Variants in PXDNL observed in about 807,000 individuals in gnomAD.
PXDNL encodes probable oxidoreductase PXDNL.
A neutral mutation model predicts 150.8 loss-of-function variants in PXDNL; 145 were observed. The ratio of observed to expected loss-of-function variants is 0.96; its 90% CI spans 0.84 to 1.10. The LOEUF is 1.10. Ranked by LOEUF, PXDNL falls within the 50% of genes least tolerant of loss-of-function variation. PXDNL has a pLI of 0.00. For missense variants in PXDNL, 2,087 were observed against 1,873.9 expected (o/e 1.11, Z -2.10); for synonymous variants, 757 against 725.7 (o/e 1.04, Z -0.69).
intron 12 of PXDNL, chr8:51,436,096 C>T: frequency 3.9e-6 from 2 of 513,136 alleles, no homozygotes; most frequent in South Asian, 2.9e-5. Context: ...AGGTTCTTGC[C>T]CCTTTTGTCT....
At chr8:51,329,951 G>T (rs1185490604) in intron 21 of PXDNL, among the ~76,000 whole-genome samples, 2 of 152,212 alleles carry the variant, frequency 1.3e-5, no homozygotes, top group African/African-American at 4.8e-5. Flanking sequence ...AGAGCCAGAG[G>T]ACAAATGGTA....
rs191366729 is a variant in PXDNL at position 51,394,273 on chromosome 8, C to T, written c.3557+13794G>A. On this transcript the variant is annotated intron_variant, in intron 17 of 22. Coordinates refer to ENST00000356297, the MANE Select transcript of PXDNL (RefSeq NM_144651.5). Reference sequence around the variant, plus strand: ...AAAACACTCCTTTTTGTGCAACAAACGCCAGCCAAATATGAAGGAAATATT... The same window carrying T: ...AAAACACTCCTTTTTGTGCAACAAATGCCAGCCAAATATGAAGGAAATATT... Among the ~76,000 whole-genome samples the T allele has an allele frequency of 3.0e-4, 45 of 152,244 alleles. 1 individual carries two copies. In the East Asian group the frequency reaches 6.8e-3, roughly 23 times the overall value.
In PXDNL at chr8:51,549,110, T is replaced by C. The variant is rs143886884; in HGVS notation, c.380+7730A>G. On this transcript the variant is annotated intron_variant, in intron 4 of 22. Coordinates refer to ENST00000356297, the MANE Select transcript of PXDNL (RefSeq NM_144651.5). ...AGACATTATATAATGCTAAAAGGAT[T>C]AGCCCAATAGAAAAATATCACAATT... 1.2e-4 allele frequency among the ~76,000 whole-genome samples: 18 copies of C among 152,284 alleles called. No individual in the cohort carries two copies. The East Asian group carries it at 3.5e-3, about 29-fold the overall frequency.
intron 14 of PXDNL, among the ~76,000 whole-genome samples, chr8:51,421,574 C>T (rs1222796677): frequency 6.6e-6 from 1 of 152,114 alleles, no homozygotes; most frequent in Non-Finnish European, 1.5e-5. Context: ...TGATAGGCAC[C>T]TGTAACCCCA....
At chr8:51,794,452 C>T (rs2037541699) in intron 1 of PXDNL, among the ~76,000 whole-genome samples, 2 of 152,316 alleles carry the variant, frequency 1.3e-5, no homozygotes, top group Admixed American at 1.3e-4. Flanking sequence ...GCCCATCAAA[C>T]TAACTGCAGA....
intron 9 of PXDNL, among the ~76,000 whole-genome samples, chr8:51,455,546 G>T (rs1432922894): frequency 6.6e-6 from 1 of 152,114 alleles, no homozygotes; most frequent in Non-Finnish European, 1.5e-5. Context: ...AGGGCACGGG[G>T]GACTAGAGAA....
At chr8:51,379,637 A>G (rs6984116) in intron 17 of PXDNL, among the ~76,000 whole-genome samples, 5,686 of 152,032 alleles carry the variant, frequency 0.037, 355 homozygotes, top group African/African-American at 0.13. Flanking sequence ...ATTATGTTAG[A>G]TTCTGATGAA....
At chr8:51,367,131 T>G (rs13439771) in intron 19 of PXDNL, among the ~76,000 whole-genome samples, 1,300 of 119,606 alleles carry the variant, frequency 0.011, 27 homozygotes, top group African/African-American at 0.04. Context: ...AAAAAAAAAT[T>G]CATATAAAAG....
intron 5 of PXDNL, among the ~76,000 whole-genome samples, chr8:51,491,822 A>C (rs1045686053): frequency 1.3e-5 from 2 of 152,268 alleles, no homozygotes; most frequent in African/African-American, 4.8e-5. Flanking sequence ...TTAAAGTTGG[A>C]GTCCCATGTC....
intron 12 of PXDNL, among the ~76,000 whole-genome samples, chr8:51,445,281 C>A (rs1300923058): frequency 6.6e-6 from 1 of 152,162 alleles, no homozygotes; most frequent in African/African-American, 2.4e-5. Flanking sequence ...GTTCTATAGT[C>A]TGAAGTCTAG....
intron 21 of PXDNL, among the ~76,000 whole-genome samples, chr8:51,323,358 T>C (rs1805385022): frequency 6.6e-6 from 1 of 152,174 alleles, no homozygotes; most frequent in African/African-American, 2.4e-5. Context: ...TGGCTCACTG[T>C]ATCCTCAACC....
chr8:51,732,368 C>T (rs1816950919), intron 1 of PXDNL, among the ~76,000 whole-genome samples: 1 of 152,202 alleles, frequency 6.6e-6, no homozygotes, highest in Non-Finnish European at 1.5e-5. Context: ...CCATCTGAGA[C>T]CACATCAGCC....
chr8:51,737,173 C>T (rs749195853), intron 1 of PXDNL, among the ~76,000 whole-genome samples: 14 of 152,146 alleles, frequency 9.2e-5, no homozygotes, highest in Non-Finnish European at 1.9e-4. Context: ...TATCTCCTTA[C>T]CACATTTCTC....
intron 17 of PXDNL, among the ~76,000 whole-genome samples, chr8:51,378,070 T>C (rs1257473535): frequency 2.6e-5 from 4 of 151,300 alleles, no homozygotes; most frequent in African/African-American, 9.8e-5. Flanking sequence ...AGCTCAAGGT[T>C]TGTAAATGCA....
chr8:51,457,166 G>A lies in PXDNL; in HGVS notation c.982+332C>T, dbSNP rs541951649. ...AATATGTGTTGGATTAATTCATGAT[G>A]AATGAATGATTGAATGAATTTTTGA... On this transcript the variant is annotated intron_variant, in intron 9 of 22. Coordinates refer to ENST00000356297, the MANE Select transcript of PXDNL (RefSeq NM_144651.5). 1.3e-3 allele frequency among the ~76,000 whole-genome samples: 205 copies of A among 152,310 alleles called. 4 individuals carry two copies. The highest frequency in any genetic ancestry group is 4.7e-3 in the African/African-American group (196 of 41,560).
At chr8:51,343,015 C>G (rs6986409) in intron 20 of PXDNL, among the ~76,000 whole-genome samples, 4,515 of 151,636 alleles carry the variant, frequency 0.03, 217 homozygotes, top group African/African-American at 0.1. Context: ...AGAGAGGCAA[C>G]GAGCCCAGGT....
chr8:51,411,278 C>A lies in PXDNL; in HGVS notation c.2034G>T (p.Gln678His). The A allele has an allele frequency of 6.6e-7, 1 of 1,522,330 alleles. No individual in the cohort carries two copies. The highest frequency in any genetic ancestry group is 8.8e-7 in the Non-Finnish European group (1 of 1,138,148). 94.3% of individuals were successfully genotyped at this position (1,522,330 alleles called of 1,614,324 possible). ...TGCCTTCCAAGTCCACAGTGAGCCC[C>A]TGCTTCACACGTTCCCGTATCAGCT... ...TLQLIRERVK[Q>H]GLTVDLEGKE... Residue 678 changes from glutamine (Q) to histidine (H), a missense_variant, in exon 16 of 23, where the codon CAG becomes CAT. Physicochemically the swap from Gln to His is conservative, Grantham distance 24. Transcript: ENST00000356297.
At chr8:51,757,571 A>G (rs2037115960) in intron 1 of PXDNL, among the ~76,000 whole-genome samples, 1 of 152,222 alleles carries the variant, frequency 6.6e-6, no homozygotes, top group African/African-American at 2.4e-5. Context: ...AGACCTGATT[A>G]CCTGGGATAT....
chr8:51,446,008 T>C (rs1436514320), intron 12 of PXDNL, among the ~76,000 whole-genome samples: 1 of 151,918 alleles, frequency 6.6e-6, no homozygotes, highest in Non-Finnish European at 1.5e-5. Flanking sequence ...AAATTTAGTA[T>C]GTCTAAAATA....
Sources: allele counts gnomAD v4.1 joint callset (sites outside exome capture counted in the v4.1 genomes callset), GRCh38; gene constraint gnomAD v4.1.1; transcripts MANE v1.5; gene names NCBI Gene and HGNC (gene_info 2026-07-23, HGNC 2026-07-21).